The following NDUFA11 variants were observed in gnomAD, a reference collection of about 807,000 sequenced individuals.
NDUFA11 encodes the protein NADH dehydrogenase [ubiquinone] 1 alpha subcomplex subunit 11.
A neutral mutation model predicts 11.3 loss-of-function variants in NDUFA11; 14 were observed. That is an observed-to-expected ratio of 1.24 (90% CI 0.82 to 1.94). The LOEUF is 1.94. NDUFA11 is among the 30% of genes most tolerant of loss of function. NDUFA11 has a pLI of 0.00. For missense variants in NDUFA11, 204 were observed against 200.3 expected (o/e 1.02, Z -0.11); for synonymous variants, 87 against 85.6 (o/e 1.02, Z -0.09).
chr19:5,897,008 G>C lies in NDUFA11; in HGVS notation c.98-11C>G. On this transcript the variant is annotated splice_polypyrimidine_tract_variant and intron_variant, in intron 1 of 3. Transcript: ENST00000308961. Reference sequence around the variant, plus strand: ...CAGCGGCGGTCAGGCCTGCGAGACAGAGGAGGGAGGCTGTTCAGACCCCAC... The same window carrying C: ...CAGCGGCGGTCAGGCCTGCGAGACACAGGAGGGAGGCTGTTCAGACCCCAC... 1 of 1,611,412 alleles carries C rather than the reference G, an allele frequency of 6.2e-7. No individual in the cohort carries two copies. Among genetic ancestry groups the C allele is most frequent in the Non-Finnish European group, 8.5e-7 (1 of 1,177,682 alleles).
rs2057612194 is a variant in NDUFA11, at chr19:5,896,732, G to A, written c.191-157C>T. Reference sequence around the variant, plus strand: ...CCCCAGTCCTGGAGCTGTTCTCCTGGGCCTCCCCACCCTACATGTATTCCT... The same window carrying A: ...CCCCAGTCCTGGAGCTGTTCTCCTGAGCCTCCCCACCCTACATGTATTCCT... On this transcript the variant is annotated intron_variant, in intron 2 of 3. Coordinates refer to ENST00000308961, the MANE Select transcript of NDUFA11 (RefSeq NM_175614.5). The surrounding 1 kb of genome is among the most constrained non-coding windows in gnomAD (Gnocchi z 5.8). 2 of 1,250,674 alleles carry A rather than the reference G, an allele frequency of 1.6e-6. No individual in the cohort carries two copies. The highest frequency in any genetic ancestry group is 2.3e-6 in the Non-Finnish European group (2 of 872,908). 77.5% of individuals were successfully genotyped at this position (1,250,674 alleles called of 1,614,324 possible).
rs2057660894 is a variant in NDUFA11 at position 5,903,726 on chromosome 19, C to G, written c.-18G>C. The G allele has an allele frequency of 6.4e-7, 1 of 1,550,770 alleles. No individual in the cohort carries two copies. Among genetic ancestry groups the G allele is most frequent in the Admixed American group, 2.0e-5 (1 of 50,996 alleles). On this transcript the variant is annotated 5_prime_UTR_variant, in exon 1 of 4. Coordinates refer to ENST00000308961, the MANE Select transcript of NDUFA11 (RefSeq NM_175614.5). Reference sequence around the variant, plus strand: ...GGCGCCATAGCCCGCAATCTCGATCCCGCACCACGGACCCCGCCAGCTCGG... The same window carrying G: ...GGCGCCATAGCCCGCAATCTCGATCGCGCACCACGGACCCCGCCAGCTCGG...
Position 5,896,562 on chromosome 19 carries a change from G to A in NDUFA11, c.204C>T (p.Ala68=), listed in dbSNP as rs759289907. ...TGATGCAGGTGGTGAGGCCAAACAC[G>A]GCCCCGACAGCAGCTGCGGGGTAGA... The part of the protein sequence containing the change: ...QYTFTAAAVG[A]VFGLTTCISA... The change falls in exon 3 of 4, where the codon GCC becomes GCT. Residue 68 remains alanine, a synonymous_variant. Transcript: ENST00000308961. This position sits in a 1 kb window ranked among gnomAD's most constrained non-coding sequence, Gnocchi z 5.8. The A allele has an allele frequency of 1.1e-5, 17 of 1,565,862 alleles. No individual in the cohort carries two copies. In the Admixed American group the frequency reaches 1.9e-4, roughly 18 times the overall value.
chr19:5,901,413 C>A (rs2057644680), intron 1 of NDUFA11: 2 of 1,286,970 alleles, frequency 1.6e-6, no homozygotes, highest in Non-Finnish European at 2.0e-6. Flanking sequence ...CTTCAAATGA[C>A]CCTGGAGCAG....
rs1568433315 is a variant in NDUFA11, at chr19:5,903,579, GC to G, written c.97+32del. On this transcript the variant is annotated intron_variant, in intron 1 of 3. Coordinates refer to ENST00000308961, the MANE Select transcript of NDUFA11 (RefSeq NM_175614.5). ...ACCCCACGACCTCCCTGCGGCCTCG[GC>G]CCTCCACCCTCGGGGCCCGGCCGGC... is the stretch of plus-strand genomic sequence containing the variant. 3 of 1,541,856 alleles carry G rather than the reference GC, an allele frequency of 1.9e-6. No individual in the cohort carries two copies. The South Asian group carries it at 3.6e-5, about 18-fold the overall frequency.
Position 5,895,076 on chromosome 19 carries a change from A to G in NDUFA11, c.314-222T>C. Reference sequence around the variant, plus strand: ...CCAGGTTGCTTCCCAGCAGGAACCCAGGCTGTGGGTCCTCATCCCGCCCCA... The same window carrying G: ...CCAGGTTGCTTCCCAGCAGGAACCCGGGCTGTGGGTCCTCATCCCGCCCCA... On this transcript the variant is annotated intron_variant, in intron 3 of 3. Transcript: ENST00000308961. 8.7e-6 allele frequency: 5 copies of G among 575,728 alleles called. No individual in the cohort carries two copies. The South Asian group carries it at 1.1e-4, about 12-fold the overall frequency. The allele number at this position is 575,728 out of a possible 1,614,324, so 35.7% of individuals were successfully genotyped here.
In NDUFA11 at chr19:5,896,453, T is replaced by C. The variant is rs1193493411; in HGVS notation, c.313A>G (p.Thr105Ala). ...TGGGGGTGGGGAGGGGGCCACTCAC[T>C]GCGTGCTCCCAGAGTCAGGCCTCCG... ...CAGGLTLGAR[T>A]HNYGIGAAAC... The change falls in exon 3 of 4, where the codon ACG becomes GCG. Residue 105 changes from threonine (T) to alanine (A), a missense_variant and splice_region_variant. By Grantham distance (58) the Thr-to-Ala change is moderately conservative. Transcript: ENST00000308961. The surrounding 1 kb of genome is among the most constrained non-coding windows in gnomAD (Gnocchi z 5.8). 6.4e-7 allele frequency: 1 copy of C among 1,570,128 alleles called. No homozygotes were observed. Among genetic ancestry groups the C allele is most frequent in the African/African-American group, 1.3e-5 (1 of 74,404 alleles).
chr19:5,901,364 C>T (rs1432364596), intron 1 of NDUFA11: 1 of 1,287,132 alleles, frequency 7.8e-7, no homozygotes, highest in East Asian at 5.5e-5. Flanking sequence ...CTTCAGAGAC[C>T]CCTAGGAGCA....
At chr19:5,893,286 T>A (rs1002976626), downstream of NDUFA11, 15 of 1,192,772 alleles carry the variant, frequency 1.3e-5, no homozygotes, top group African/African-American at 2.3e-4. The surrounding 1 kb of genome is among the most constrained non-coding windows in gnomAD (Gnocchi z 4.1). Context: ...AGTGAGATCC[T>A]GTCTCTACAA....
chr19:5,891,516 A>G (rs1284604273), downstream of NDUFA11: 4 of 152,262 alleles, frequency 2.6e-5, no homozygotes, highest in African/African-American at 9.7e-5. Context: ...TCGGCCTCCC[A>G]AAGTACTGGG....
Position 5,896,548 on chromosome 19 carries a change from G to A in NDUFA11, c.218C>T (p.Thr73Ile). 3 of 1,568,692 alleles carry A rather than the reference G, an allele frequency of 1.9e-6. No homozygotes were observed. The highest frequency in any genetic ancestry group is 2.7e-5 in the African/African-American group (2 of 74,050). ...AAAVGAVFGL[T>I]TCISAHVREK... ...GCGGACATGGGCGCTGATGCAGGTG[G>A]TGAGGCCAAACACGGCCCCGACAGC... Residue 73 changes from threonine to isoleucine, a missense_variant, in exon 3 of 4, where the codon ACC becomes ATC. Thr to Ile is a moderately conservative substitution (Grantham distance 89). Transcript: ENST00000308961. This position sits in a 1 kb window ranked among gnomAD's most constrained non-coding sequence, Gnocchi z 5.8.
chr19:5,893,639 G>A (rs1173917505), downstream of NDUFA11, among the ~76,000 whole-genome samples: 3 of 152,062 alleles, frequency 2.0e-5, no homozygotes, highest in South Asian at 2.1e-4. The surrounding 1 kb of genome is among the most constrained non-coding windows in gnomAD (Gnocchi z 4.1). Context: ...GCATAGTGGC[G>A]GTGGCCATAG....
chr19:5,903,592 G>C lies in NDUFA11; in HGVS notation c.97+20C>G. 6.5e-7 allele frequency: 1 copy of C among 1,548,138 alleles called. No homozygotes were observed. On this transcript the variant is annotated intron_variant, in intron 1 of 3. Coordinates refer to ENST00000308961, the MANE Select transcript of NDUFA11 (RefSeq NM_175614.5). ...CCTGCGGCCTCGGCCCTCCACCCTC[G>C]GGGCCCGGCCGGCGCTCACCAGCGA... is the stretch of plus-strand genomic sequence containing the variant.
chr19:5,901,306 C>G lies in NDUFA11; in HGVS notation c.97+2306G>C, dbSNP rs1305997919. Reference sequence around the variant, plus strand: ...TATCCCCTGGGTGGCCCCCTTCAGCCCTTTCTCTTGAAGACCCTCGATAAG... The same window carrying G: ...TATCCCCTGGGTGGCCCCCTTCAGCGCTTTCTCTTGAAGACCCTCGATAAG... On this transcript the variant is annotated intron_variant, in intron 1 of 3. Transcript: ENST00000308961. 9 of 1,274,260 alleles carry G rather than the reference C, an allele frequency of 7.1e-6. No individual in the cohort carries two copies. In the South Asian group the frequency reaches 1.0e-4, roughly 14 times the overall value. 78.9% of individuals were successfully genotyped at this position (1,274,260 alleles called of 1,614,324 possible).
chr19:5,896,802 C>T lies in NDUFA11; in HGVS notation c.190+103G>A. 1 of 1,223,744 alleles carries T rather than the reference C, an allele frequency of 8.2e-7. No individual in the cohort carries two copies. The highest frequency in any genetic ancestry group is 1.2e-6 in the Non-Finnish European group (1 of 829,000). The allele number at this position is 1,223,744 out of a possible 1,614,324, so 75.8% of individuals were successfully genotyped here. On this transcript the variant is annotated intron_variant, in intron 2 of 3. Transcript: ENST00000308961. This position sits in a 1 kb window ranked among gnomAD's most constrained non-coding sequence, Gnocchi z 5.8. The stretch of plus-strand genomic sequence containing the variant: ...TTCTCCGGATGGCCAGCACTGTGGA[C>T]ACGGGCTGGGGAGTCAGAGAGAAGA...
At position 5,896,740 on chromosome 19, in the gene NDUFA11, C is replaced by T. The variant is rs945653297; in HGVS notation, c.190+165G>A. 5.8e-6 allele frequency: 7 copies of T among 1,212,356 alleles called. No homozygotes were observed. The African/African-American group carries it at 1.0e-4, about 18-fold the overall frequency. 75.1% of individuals were successfully genotyped at this position (1,212,356 alleles called of 1,614,324 possible). ...CTGGAGCTGTTCTCCTGGGCCTCCCCACCCTACATGTATTCCTGATAAAGG... is the reference window on the plus strand; with the variant it reads ...CTGGAGCTGTTCTCCTGGGCCTCCCTACCCTACATGTATTCCTGATAAAGG... On this transcript the variant is annotated intron_variant, in intron 2 of 3. Transcript: ENST00000308961. This position sits in a 1 kb window ranked among gnomAD's most constrained non-coding sequence, Gnocchi z 5.8.
At chr19:5,892,778 T>G, downstream of NDUFA11, 6 of 1,143,366 alleles carry the variant, frequency 5.2e-6, no homozygotes, top group Admixed American at 3.2e-5. Flanking sequence ...GCGATGCCCG[T>G]GAGTGGATGG....
downstream of NDUFA11, chr19:5,894,586 G>A (rs529021545): frequency 5.5e-6 from 8 of 1,461,126 alleles, no homozygotes; most frequent in South Asian, 1.2e-5. Context: ...TGTGCAGGGG[G>A]CCTTATCTTA....
At chr19:5,897,262 G>A (rs1447609200) in intron 1 of NDUFA11, among the ~76,000 whole-genome samples, 1 of 152,218 alleles carries the variant, frequency 6.6e-6, no homozygotes, top group East Asian at 1.9e-4. Context: ...GGCTCCTGCA[G>A]AGCACCTGCT....
Sources: gnomAD v4.1 joint callset for allele counts (sites outside exome capture counted in the v4.1 genomes callset) on GRCh38, gnomAD v4.1.1 for gene constraint, Gnocchi (gnomAD v3.1) non-coding constraint, MANE v1.5 for transcripts, NCBI Gene and HGNC (gene_info 2026-07-23, HGNC 2026-07-21) for gene names.